Variants in KIRREL1 observed in about 807,000 individuals in gnomAD.
KIRREL1 encodes kirre like nephrin family adhesion molecule 1.
Under a neutral mutation model 83.3 loss-of-function variants are expected in KIRREL1, and 25 were observed. That is an observed-to-expected ratio of 0.30 (90% CI 0.22 to 0.42). The LOEUF (loss-of-function observed/expected upper bound fraction) is 0.42, where lower values mean the gene tolerates loss of function less well. Ranked by LOEUF, KIRREL1 falls within the 10% of genes least tolerant of loss-of-function variation. The probability of loss-of-function intolerance (pLI) is 1.00; values close to 1 mark genes in which losing one functional copy is unlikely to be tolerated. For missense variants in KIRREL1, 812 were observed against 1,032.3 expected, an observed-to-expected ratio of 0.79 and a Z score of 2.92; for synonymous variants, 388 against 410.4, an observed-to-expected ratio of 0.95 and a Z score of 0.66.
chr1:158,063,052 T>G (rs1661256714), intron 1 of KIRREL1, among the ~76,000 whole-genome samples: 1 of 152,242 alleles, frequency 6.6e-6, no homozygotes, highest in Non-Finnish European at 1.5e-5. Context: ...GTGTCTTGGC[T>G]CATGCTGTTC....
chr1:158,050,462 C>G (rs372102389), intron 1 of KIRREL1, among the ~76,000 whole-genome samples: 1 of 152,088 alleles, frequency 6.6e-6, no homozygotes, highest in East Asian at 1.9e-4. Context: ...TCACTCCCCC[C>G]TTTCCTCCCA....
chr1:158,069,816 G>A (rs1661461715), intron 1 of KIRREL1, among the ~76,000 whole-genome samples: 1 of 152,152 alleles, frequency 6.6e-6, no homozygotes, highest in Admixed American at 6.5e-5. Context: ...TTTTTATTAA[G>A]GATAGTAATT....
At chr1:158,021,107 T>C (rs911560287) in intron 1 of KIRREL1, among the ~76,000 whole-genome samples, 3 of 152,144 alleles carry the variant, frequency 2.0e-5, no homozygotes, top group African/African-American at 7.2e-5. Flanking sequence ...TGGGCTGGCA[T>C]TGAGGAAGTA....
chr1:158,047,900 C>A (rs1311737220), intron 1 of KIRREL1, among the ~76,000 whole-genome samples: 1 of 152,182 alleles, frequency 6.6e-6, no homozygotes, highest in African/African-American at 2.4e-5. Flanking sequence ...TGCCCCTTCT[C>A]CTGATTTCTT....
rs369008138 is a variant in KIRREL1, at chr1:158,067,951, G to T, written c.53-8162G>T. On this transcript the variant is annotated intron_variant, in intron 1 of 14. Transcript: ENST00000359209. ...TAAAATCCCATCTGGTCCCTGGAAA[G>T]ATTCCCCTACGGCTGTCCCTACCAT... Among the ~76,000 whole-genome samples the T allele has an allele frequency of 7.2e-4, 109 of 152,346 alleles. No homozygotes were observed. The South Asian group carries it at 0.022, about 30-fold the overall frequency.
In KIRREL1 at chr1:158,094,315, G is replaced by A. The variant is rs375306413; in HGVS notation, c.1722G>A (p.Ser574=). 49 of 1,604,748 alleles carry A rather than the reference G, an allele frequency of 3.1e-5. No homozygotes were observed. The highest frequency in any genetic ancestry group is 3.6e-5 in the Non-Finnish European group (42 of 1,176,550). Residue 574 remains serine (S), a splice_region_variant and synonymous_variant, in exon 14 of 15, where the codon TCG becomes TCA. Transcript: ENST00000359209. This position sits in a 1 kb window ranked among gnomAD's most constrained non-coding sequence, Gnocchi z 4.6. ...ATRVMKAIYS[S]FKDDVDLKQD... ...GTCCCACTCCTGCTGCTCCACAGTCGTTTAAGGATGATGTGGATCTGAAGC... is the reference window on the plus strand; with the variant it reads ...GTCCCACTCCTGCTGCTCCACAGTCATTTAAGGATGATGTGGATCTGAAGC...
At chr1:158,010,340 CA>C (rs1319851090) in intron 1 of KIRREL1, among the ~76,000 whole-genome samples, 8 of 140,274 alleles carry the variant, frequency 5.7e-5, no homozygotes, top group Non-Finnish European at 1.3e-4. Flanking sequence ...CACACACACA[CA>C]CACACACACA....
At chr1:158,004,627 A>G (rs771536967) in intron 1 of KIRREL1, among the ~76,000 whole-genome samples, 1 of 152,160 alleles carries the variant, frequency 6.6e-6, no homozygotes, top group Non-Finnish European at 1.5e-5. Flanking sequence ...GACGGTGTAC[A>G]GTAAGCTTAA....
At chr1:158,073,571 T>G (rs1436514373) in intron 1 of KIRREL1, among the ~76,000 whole-genome samples, 1 of 152,174 alleles carries the variant, frequency 6.6e-6, no homozygotes, top group African/African-American at 2.4e-5. Flanking sequence ...GGTCACTGGG[T>G]GAGAAAGCCA....
intron 1 of KIRREL1, among the ~76,000 whole-genome samples, chr1:158,073,364 C>T (rs981456720): frequency 6.6e-6 from 1 of 152,202 alleles, no homozygotes; most frequent in African/African-American, 2.4e-5. Flanking sequence ...ATTCAGGTTT[C>T]CAGTTGTCCC....
chr1:158,068,824 G>A (rs1413526063), intron 1 of KIRREL1, among the ~76,000 whole-genome samples: 5 of 152,126 alleles, frequency 3.3e-5, no homozygotes, highest in Non-Finnish European at 5.9e-5. Flanking sequence ...AGAGTCCTGC[G>A]GGGGTGGGGA....
intron 1 of KIRREL1, among the ~76,000 whole-genome samples, chr1:158,074,712 AAGG>A (rs1661619552): frequency 6.6e-6 from 1 of 152,272 alleles, no homozygotes; most frequent in South Asian, 2.1e-4. Context: ...TTGAGGAAAA[AAGG>A]AGAAATGGGG....
At chr1:158,006,527 C>T (rs552497344) in intron 1 of KIRREL1, among the ~76,000 whole-genome samples, 4 of 152,204 alleles carry the variant, frequency 2.6e-5, no homozygotes, top group Admixed American at 6.5e-5. Context: ...CTGGGCCCCG[C>T]GTGAGCCCAA....
chr1:158,076,105 C>T lies in KIRREL1; in HGVS notation c.53-8C>T, dbSNP rs1374807567. On this transcript the variant is annotated splice_region_variant and splice_polypyrimidine_tract_variant and intron_variant, in intron 1 of 14. Coordinates refer to ENST00000359209, the MANE Select transcript of KIRREL1 (RefSeq NM_018240.7). ...TCATCTTACCCAGTGCTGGCTTTGG[C>T]TTTGCAGGGACCCAGACCCGCTTCA... 6.8e-6 allele frequency: 11 copies of T among 1,613,070 alleles called. No individual in the cohort carries two copies. The highest frequency in any genetic ancestry group is 9.3e-6 in the Non-Finnish European group (11 of 1,179,586).
At chr1:158,043,072 A>C (rs1221506043) in intron 1 of KIRREL1, among the ~76,000 whole-genome samples, 2 of 139,190 alleles carry the variant, frequency 1.4e-5, no homozygotes, top group African/African-American at 5.3e-5. Flanking sequence ...TGGGCAACAG[A>C]GCGAGACTCC....
At chr1:158,069,238 G>C (rs1196632033) in intron 1 of KIRREL1, among the ~76,000 whole-genome samples, 2 of 151,958 alleles carry the variant, frequency 1.3e-5, no homozygotes, top group Non-Finnish European at 2.9e-5. Flanking sequence ...GCATGTGCTT[G>C]CTGGTAAATG....
chr1:158,091,622 TC>T, intron 11 of KIRREL1, 66 bp downstream of exon 11: 1 of 1,489,300 alleles, frequency 6.7e-7, no homozygotes, highest in Non-Finnish European at 9.3e-7. Flanking sequence ...CCTTCTTTTC[TC>T]CAGGGGCAGG....
intron 1 of KIRREL1, among the ~76,000 whole-genome samples, chr1:158,039,378 T>C (rs1303231385): frequency 6.6e-6 from 1 of 152,246 alleles, no homozygotes; most frequent in African/African-American, 2.4e-5. Flanking sequence ...GCTGGATGCA[T>C]GGCATGTGCT....
At chr1:158,016,166 T>G (rs766597290) in intron 1 of KIRREL1, among the ~76,000 whole-genome samples, 3 of 152,036 alleles carry the variant, frequency 2.0e-5, no homozygotes, top group Non-Finnish European at 4.4e-5. Context: ...TAGACAGGTG[T>G]AGTGGCGTCT....
Sources: allele counts gnomAD v4.1 joint callset (sites outside exome capture counted in the v4.1 genomes callset), GRCh38; gene constraint gnomAD v4.1.1; non-coding constraint Gnocchi (gnomAD v3.1); transcripts MANE v1.5; gene names NCBI Gene and HGNC (gene_info 2026-07-23, HGNC 2026-07-21).